The following ADAM17 variants were observed in gnomAD, a reference collection of about 807,000 sequenced individuals.
ADAM17 encodes ADAM metallopeptidase domain 17.
Under a neutral mutation model 96.7 loss-of-function variants are expected in ADAM17, and 39 were observed. The ratio of observed to expected loss-of-function variants is 0.40; its 90% confidence interval spans 0.31 to 0.53. The LOEUF (loss-of-function observed/expected upper bound fraction) is 0.53. Among genes scored for constraint, ADAM17 ranks in the 20% least tolerant of loss-of-function variants. The pLI, the probability that ADAM17 is intolerant of heterozygous loss-of-function variation, is 0.44. For synonymous variants in ADAM17, 344 were observed against 359.2 expected, an observed-to-expected ratio of 0.96 and a Z score of 0.48; for missense variants, 777 against 1,013.2, an observed-to-expected ratio of 0.77 and a Z score of 3.17.
chr2:9,510,769 C>T (rs1197092322), intron 10 of ADAM17, among the ~76,000 whole-genome samples: 1 of 151,736 alleles, frequency 6.6e-6, no homozygotes, highest in Non-Finnish European at 1.5e-5. Flanking sequence ...GAGGCTGAGG[C>T]TACAGTGATC....
At chr2:9,554,867 C>A (rs1665693065) in intron 1 of ADAM17, among the ~76,000 whole-genome samples, 1 of 152,136 alleles carries the variant, frequency 6.6e-6, no homozygotes, top group African/African-American at 2.4e-5. Flanking sequence ...GGAAAGCATT[C>A]ATAGTGGCAG....
intron 2 of ADAM17, among the ~76,000 whole-genome samples, chr2:9,539,392 T>C (rs1378924571): frequency 6.6e-6 from 1 of 152,118 alleles, no homozygotes; most frequent in Non-Finnish European, 1.5e-5. Flanking sequence ...TGGGATTACA[T>C]GTGTGAGTCA....
At chr2:9,507,149 C>A (rs999675929) in intron 11 of ADAM17, 1 of 152,054 alleles carries the variant, frequency 6.6e-6, no homozygotes, top group Non-Finnish European at 1.5e-5. Flanking sequence ...TTATTTTTGT[C>A]CTGTAAGCCC....
intron 4 of ADAM17, among the ~76,000 whole-genome samples, chr2:9,534,275 G>A (rs569522267): frequency 6.6e-6 from 1 of 152,076 alleles, no homozygotes; most frequent in Non-Finnish European, 1.5e-5. Context: ...GGTCTAAGGC[G>A]GGAGAACCGC....
intron 1 of ADAM17, among the ~76,000 whole-genome samples, chr2:9,545,400 C>T (rs1665365875): frequency 6.6e-6 from 1 of 152,134 alleles, no homozygotes; most frequent in Middle Eastern, 3.4e-3. Context: ...AAAACCCTGT[C>T]TCTACTAAAA....
intron 4 of ADAM17, 44 bp from the exon 5 acceptor site, chr2:9,527,998 A>G: frequency 7.9e-7 from 1 of 1,260,198 alleles, no homozygotes; most frequent in Non-Finnish European, 1.1e-6. Context: ...AACAATAATA[A>G]TTCCTAAACA....
At chr2:9,528,766 C>T (rs1469539292) in intron 4 of ADAM17, among the ~76,000 whole-genome samples, 1 of 152,196 alleles carries the variant, frequency 6.6e-6, no homozygotes. Flanking sequence ...TGAGACACCC[C>T]TGTATACCCA....
chr2:9,545,716 C>A (rs1023300602), intron 1 of ADAM17, among the ~76,000 whole-genome samples: 1 of 152,186 alleles, frequency 6.6e-6, no homozygotes, highest in Non-Finnish European at 1.5e-5. Context: ...AAATTAGTAA[C>A]TGTGAAATGG....
rs1553355613 is a variant in ADAM17 at position 9,490,292 on chromosome 2, GTGC to G, written c.2357_2359del (p.Ser786del). Reference sequence around the variant, plus strand: ...GAGATCCTCAAATGACTTGGCAGCTGTGCTGCTATTTGGGAAGGGGTCCTTCTC... The same window carrying G: ...GAGATCCTCAAATGACTTGGCAGCTGTGCTATTTGGGAAGGGGTCCTTCTC... On this transcript the variant is annotated inframe_deletion, in exon 19 of 19. Coordinates refer to ENST00000310823, the MANE Select transcript of ADAM17 (RefSeq NM_003183.6). The G allele has an allele frequency of 3.7e-6, 6 of 1,614,086 alleles. No individual in the cohort carries two copies. The highest frequency in any genetic ancestry group is 2.2e-5 in the South Asian group (2 of 91,084).
At chr2:9,504,457 A>T (rs796086350) in intron 12 of ADAM17, among the ~76,000 whole-genome samples, 105 of 146,434 alleles carry the variant, frequency 7.2e-4, no homozygotes, top group South Asian at 5.4e-3. Flanking sequence ...ATAAATAAAT[A>T]AATTAAATTA....
chr2:9,509,015 C>T (rs575393212), intron 11 of ADAM17, among the ~76,000 whole-genome samples: 4 of 151,918 alleles, frequency 2.6e-5, no homozygotes, highest in Middle Eastern at 3.4e-3. Context: ...ATGCAACAAT[C>T]AAAGATCACA....
chr2:9,528,738 G>A (rs1036944769), intron 4 of ADAM17, among the ~76,000 whole-genome samples: 1 of 151,976 alleles, frequency 6.6e-6, no homozygotes, highest in African/African-American at 2.4e-5. Context: ...ACCCCAATGG[G>A]GAAAAAAACC....
At chr2:9,503,051 A>C (rs560020559) in intron 12 of ADAM17, among the ~76,000 whole-genome samples, 1 of 151,412 alleles carries the variant, frequency 6.6e-6, no homozygotes, top group African/African-American at 2.4e-5. Flanking sequence ...AAGGCAGGAG[A>C]ATAGCTTGAA....
chr2:9,531,799 G>A (rs1223882418), intron 4 of ADAM17, among the ~76,000 whole-genome samples: 1 of 151,238 alleles, frequency 6.6e-6, no homozygotes. Context: ...AGTCAGTGAC[G>A]GTTTAAAATA....
At chr2:9,555,311 C>G (rs1665706444) in intron 1 of ADAM17, among the ~76,000 whole-genome samples, 198 bp downstream of exon 1, 1 of 152,212 alleles carries the variant, frequency 6.6e-6, no homozygotes, top group African/African-American at 2.4e-5. Context: ...GTAGCCCTTT[C>G]CCACTCAGAG....
chr2:9,524,310 T>C (rs1342681046), intron 6 of ADAM17, among the ~76,000 whole-genome samples: 1 of 151,992 alleles, frequency 6.6e-6, no homozygotes, highest in African/African-American at 2.4e-5. Context: ...GAGACCATCC[T>C]GGGAAATTCT....
chr2:9,551,599 A>G (rs993103489), intron 1 of ADAM17, among the ~76,000 whole-genome samples: 2 of 152,016 alleles, frequency 1.3e-5, no homozygotes, highest in Non-Finnish European at 2.9e-5. Context: ...AGCTGGGACT[A>G]CAGGCGCCTG....
intron 11 of ADAM17, chr2:9,506,991 T>C (rs1663445578): frequency 6.6e-6 from 1 of 152,138 alleles, no homozygotes; most frequent in South Asian, 2.1e-4. Context: ...TCAGCAAACC[T>C]TCCTAAGAAG....
chr2:9,502,311 C>G lies in ADAM17; in HGVS notation c.1545-35G>C, dbSNP rs768783448. On this transcript the variant is annotated intron_variant, in intron 12 of 18. Transcript: ENST00000310823. ...AACAGCAGACAGGAACAGAGCAATT[C>G]AAATTATGGCCCCATATCAAATCAA... 5 of 1,531,394 alleles carry G rather than the reference C, an allele frequency of 3.3e-6. No homozygotes were observed. The South Asian group carries it at 5.6e-5, about 17-fold the overall frequency. 94.9% of individuals were successfully genotyped at this position (1,531,394 alleles called of 1,614,324 possible).
Sources: gnomAD v4.1 joint callset for allele counts (sites outside exome capture counted in the v4.1 genomes callset) on GRCh38, gnomAD v4.1.1 for gene constraint, MANE v1.5 for transcripts, NCBI Gene and HGNC (gene_info 2026-07-23, HGNC 2026-07-21) for gene names.